Variants in LRRC51 observed in about 807,000 individuals in gnomAD.
LRRC51 encodes the protein leucine rich repeat containing 51.
In LRRC51, 8 loss-of-function variants were observed where a neutral mutation model predicts 17.8. The ratio of observed to expected loss-of-function variants is 0.45; its 90% CI spans 0.26 to 0.81. LRRC51 has a LOEUF of 0.81. Among genes scored for constraint, LRRC51 ranks in the 30% least tolerant of loss-of-function variants. LRRC51 has a pLI of 0.17. For missense variants in LRRC51, 233 were observed against 239.3 expected (o/e 0.97, Z 0.17); for synonymous variants, 92 against 96.0 (o/e 0.96, Z 0.24).
At chr11:72,088,257 T>A (rs1472771867) in intron 1 of LRRC51, 40 bp from the exon 2 acceptor site, 7 of 657,706 alleles carry the variant, frequency 1.1e-5, no homozygotes, top group Non-Finnish European at 1.7e-5. Flanking sequence ...CACACCACAT[T>A]GCAAGTGACT....
chr11:72,093,576 T>C lies in LRRC51; in HGVS notation c.163T>C (p.Trp55Arg). Residue 55 changes from tryptophan to arginine, a missense_variant, in exon 4 of 6, where the codon TGG becomes CGG. Physicochemically the swap from Trp to Arg is moderately radical, Grantham distance 101. Transcript: ENST00000289488. Reference protein sequence around the residue: ...KSGKSLTQSLWLNNNVLNDLR... With the variant: ...KSGKSLTQSLRLNNNVLNDLR... ...GGGGAAATCACTGACCCAGTCCCTG[T>C]GGCTGAATAACAATGTTCTCAATGA... The C allele has an allele frequency of 6.2e-7, 1 of 1,614,234 alleles. No homozygotes were observed. Among genetic ancestry groups the C allele is most frequent in the Non-Finnish European group, 8.5e-7 (1 of 1,180,046 alleles).
rs199916320 is a variant in LRRC51 at position 72,095,114 on chromosome 11, G to A, written c.437+18G>A. 1.7e-5 allele frequency: 27 copies of A among 1,612,402 alleles called. No individual in the cohort carries two copies. In the African/African-American group the frequency reaches 2.7e-4, roughly 16 times the overall value. On this transcript the variant is annotated intron_variant, in intron 5 of 5. Coordinates refer to ENST00000289488, the MANE Select transcript of LRRC51 (RefSeq NM_145309.6). ...GGGTATAGGTAAGTGCCCTGCCCCT[G>A]GAGGTAGCGTCTAGCTGGGCTCCCC...
chr11:72,096,852 C>A lies in LRRC51; in HGVS notation c.*1332C>A. On this transcript the variant is annotated 3_prime_UTR_variant, in exon 6 of 6. Coordinates refer to ENST00000289488, the MANE Select transcript of LRRC51 (RefSeq NM_145309.6). ...CCATTCTGTTTTATATGCTGGGATT[C>A]TGCTTAAGATTTCATTTGATAAAAA... 1 of 1,268,242 alleles carries A rather than the reference C, an allele frequency of 7.9e-7. No individual in the cohort carries two copies. Among genetic ancestry groups the A allele is most frequent in the South Asian group, 3.0e-5 (1 of 32,898 alleles). 78.6% of individuals were successfully genotyped at this position (1,268,242 alleles called of 1,614,324 possible).
rs906371694 is a variant in LRRC51 at position 72,095,889 on chromosome 11, C to T, written c.*369C>T. Reference sequence around the variant, plus strand: ...GAGACGGTTTCACTCGTCACCCCAGCTGGAGTGCAGTGGTGCGATCTCAGC... The same window carrying T: ...GAGACGGTTTCACTCGTCACCCCAGTTGGAGTGCAGTGGTGCGATCTCAGC... On this transcript the variant is annotated 3_prime_UTR_variant, in exon 6 of 6. Coordinates refer to ENST00000289488, the MANE Select transcript of LRRC51 (RefSeq NM_145309.6). 11 of 352,912 alleles carry T rather than the reference C, an allele frequency of 3.1e-5. No homozygotes were observed. The highest frequency in any genetic ancestry group is 5.0e-5 in the Non-Finnish European group (9 of 181,292). 21.9% of individuals were successfully genotyped at this position (352,912 alleles called of 1,614,324 possible). A position where few individuals can be genotyped will look rare whatever the true frequency, so the allele number is the denominator to read the frequency against.
chr11:72,092,204 G>A (rs1944900544), intron 3 of LRRC51, among the ~76,000 whole-genome samples: 1 of 152,062 alleles, frequency 6.6e-6, no homozygotes, highest in South Asian at 2.1e-4. Context: ...TCTCAAGTCT[G>A]TGTCTCCTGA....
intron 5 of LRRC51, 32 bp downstream of exon 5, chr11:72,095,128 G>C (rs1328409221): frequency 1.9e-6 from 3 of 1,610,284 alleles, no homozygotes; most frequent in Non-Finnish European, 1.7e-6. Context: ...GTAGCGTCTA[G>C]CTGGGCTCCC....
intron 1 of LRRC51, among the ~76,000 whole-genome samples, chr11:72,086,629 CAGA>C (rs760731000): frequency 2.1e-4 from 32 of 152,194 alleles, no homozygotes; most frequent in Non-Finnish European, 4.4e-4. Context: ...AGCTTAAATG[CAGA>C]AGGCTAAAAA....
Position 72,089,024 on chromosome 11 carries a change from C to G in LRRC51, c.-55-5C>G, listed in dbSNP as rs1324628961. ...TGAAACACTGGTCTTTCTCTGTCCT[C>G]CCAGGCTGAACCCAGACTCCCAGGG... On this transcript the variant is annotated splice_region_variant and splice_polypyrimidine_tract_variant and intron_variant, in intron 2 of 5. Coordinates refer to ENST00000289488, the MANE Select transcript of LRRC51 (RefSeq NM_145309.6). 3.7e-6 allele frequency: 6 copies of G among 1,611,450 alleles called. No individual in the cohort carries two copies. The highest frequency in any genetic ancestry group is 5.1e-6 in the Non-Finnish European group (6 of 1,179,680).
At chr11:72,090,063 G>A (rs974810029) in intron 3 of LRRC51, among the ~76,000 whole-genome samples, 1 of 152,180 alleles carries the variant, frequency 6.6e-6, no homozygotes, top group African/African-American at 2.4e-5. Context: ...TTAAGCTCGG[G>A]AAGCTGGCAA....
chr11:72,083,644 G>A (rs1009026127), intron 1 of LRRC51: 14 of 152,122 alleles, frequency 9.2e-5, no homozygotes, highest in Non-Finnish European at 1.6e-4. Flanking sequence ...ACAGTGTTAC[G>A]AGTGCTACCA....
chr11:72,084,229 T>G (rs1206515065), intron 1 of LRRC51, among the ~76,000 whole-genome samples: 2 of 152,134 alleles, frequency 1.3e-5, no homozygotes, highest in Non-Finnish European at 2.9e-5. Flanking sequence ...CATCAGAAAC[T>G]CTCGGGCCAG....
rs549059717 is a variant in LRRC51, at chr11:72,087,349, G to A, written c.-139-948G>A. The stretch of plus-strand genomic sequence containing the variant: ...AGGGTCTACAGGGTCTTGCTCTGTC[G>A]CCCAGGCTGGAGTGCAGTGGCACAA... On this transcript the variant is annotated intron_variant, in intron 1 of 5. Transcript: ENST00000289488. 7.1e-5 allele frequency among the ~76,000 whole-genome samples: 10 copies of A among 140,494 alleles called. No individual in the cohort carries two copies. In the South Asian group the frequency reaches 1.8e-3, roughly 25 times the overall value. The allele number at this position is 140,494 out of a possible 152,430, so 92.2% of individuals were successfully genotyped here.
chr11:72,086,574 T>G, intron 1 of LRRC51: 1 of 655,550 alleles, frequency 1.5e-6, no homozygotes, highest in Admixed American at 2.3e-5. Flanking sequence ...TGGTTCTATG[T>G]TGGATAATGA....
chr11:72,086,343 ATTTCT>A, intron 1 of LRRC51: 1 of 694,054 alleles, frequency 1.4e-6, no homozygotes, highest in Non-Finnish European at 2.6e-6. Flanking sequence ...TCTTGGCTTC[ATTTCT>A]TCTGGTCAGG....
At chr11:72,090,192 G>A (rs1944777060) in intron 3 of LRRC51, among the ~76,000 whole-genome samples, 1 of 152,192 alleles carries the variant, frequency 6.6e-6, no homozygotes, top group Non-Finnish European at 1.5e-5. Flanking sequence ...ATTGTGCACT[G>A]CATCACTTCT....
intron 1 of LRRC51, chr11:72,086,575 T>C: frequency 1.5e-6 from 1 of 653,734 alleles, no homozygotes; most frequent in Non-Finnish European, 2.8e-6. Context: ...GGTTCTATGT[T>C]GGATAATGAA....
Position 72,089,065 on chromosome 11 carries a change from T to C in LRRC51, c.-19T>C. 1 of 1,613,276 alleles carries C rather than the reference T, an allele frequency of 6.2e-7. No homozygotes were observed. Among genetic ancestry groups the C allele is most frequent in the African/African-American group, 1.3e-5 (1 of 74,980 alleles). ...ACTCCCAGGGCACCTGCTTGCACCTTTGAATGATGGCCTGAACTATGAACA... is the reference window on the plus strand; with the variant it reads ...ACTCCCAGGGCACCTGCTTGCACCTCTGAATGATGGCCTGAACTATGAACA... On this transcript the variant is annotated 5_prime_UTR_variant, in exon 3 of 6. Coordinates refer to ENST00000289488, the MANE Select transcript of LRRC51 (RefSeq NM_145309.6).
intron 3 of LRRC51, among the ~76,000 whole-genome samples, chr11:72,090,485 A>ATGTG (rs112818423): frequency 3.3e-5 from 5 of 151,308 alleles, no homozygotes; most frequent in South Asian, 2.1e-4. Context: ...GCATTTATAT[A>ATGTG]TGTGTGTGTG....
chr11:72,093,258 G>A (rs1234476591), intron 3 of LRRC51, among the ~76,000 whole-genome samples: 1 of 152,214 alleles, frequency 6.6e-6, no homozygotes, highest in Non-Finnish European at 1.5e-5. Flanking sequence ...GTGGACATGA[G>A]AAGTCCATGT....
Sources: gnomAD v4.1 joint callset for allele counts (sites outside exome capture counted in the v4.1 genomes callset) on GRCh38, gnomAD v4.1.1 for gene constraint, MANE v1.5 for transcripts, NCBI Gene and HGNC (gene_info 2026-07-23, HGNC 2026-07-21) for gene names.